Variants in CFAP20 observed in about 807,000 individuals in gnomAD.
The protein encoded by CFAP20 is cilia- and flagella-associated protein 20.
In CFAP20, 14 loss-of-function variants were observed where a neutral mutation model predicts 25.5. The observed-to-expected ratio is 0.55, with a 90% CI of 0.36 to 0.86. The LOEUF is 0.86. CFAP20 is among the 40% of genes least tolerant of loss of function. The pLI is 0.01. For missense variants in CFAP20, 181 were observed against 248.0 expected, an observed-to-expected ratio of 0.73 and a Z score of 1.81; for synonymous variants, 75 against 91.1, an observed-to-expected ratio of 0.82 and a Z score of 1.01.
chr16:58,115,229 T>C, intron 4 of CFAP20, 40 bp downstream of exon 4: 1 of 1,612,754 alleles, frequency 6.2e-7, no homozygotes, highest in Non-Finnish European at 8.5e-7. Flanking sequence ...CAGTGTGCCC[T>C]ATCCCCAACC....
intron 3 of CFAP20, chr16:58,115,668 C>G (rs894752121): frequency 1.6e-6 from 1 of 606,386 alleles, no homozygotes; most frequent in Non-Finnish European, 2.9e-6. Context: ...ACACCAGCTG[C>G]TTATGACATA....
At chr16:58,125,277 G>T (rs968297141) in intron 1 of CFAP20, among the ~76,000 whole-genome samples, 1 of 152,210 alleles carries the variant, frequency 6.6e-6, no homozygotes, top group Non-Finnish European at 1.5e-5. Flanking sequence ...CGCACATGGC[G>T]CTGTCATCTC....
chr16:58,116,693 A>G (rs113679510), intron 2 of CFAP20, 179 bp downstream of exon 2: 24,410 of 561,444 alleles, frequency 0.043, 772 homozygotes, highest in South Asian at 0.13. Context: ...TATTCTGCCC[A>G]TTGTACAGAT....
rs771226850 is a variant in CFAP20 at position 58,116,031 on chromosome 16, A to AC, written c.276+9dup. On this transcript the variant is annotated intron_variant, in intron 3 of 5. Transcript: ENST00000262498. ...GCCAAGAGTGGACACATTCATGTAC[A>AC]CATACTTACCTGCACTTCGAAGGTA... 6.4e-7 allele frequency: 1 copy of AC among 1,573,528 alleles called. No individual in the cohort carries two copies. The highest frequency in any genetic ancestry group is 8.7e-7 in the Non-Finnish European group (1 of 1,143,434).
At chr16:58,117,419 T>TTCTTTC (rs1960471746) in intron 1 of CFAP20, among the ~76,000 whole-genome samples, 1 of 152,164 alleles carries the variant, frequency 6.6e-6, no homozygotes, top group African/African-American at 2.4e-5. Context: ...GTAGATTTCT[T>TTCTTTC]TCTTTCTCTT....
chr16:58,116,276 A>G, intron 2 of CFAP20, 124 bp from the exon 3 acceptor site: 1 of 639,954 alleles, frequency 1.6e-6, no homozygotes, highest in Non-Finnish European at 2.6e-6. Context: ...CAGACACGCC[A>G]CCCAGTGAAT....
rs566869745 is a variant in CFAP20, at chr16:58,114,086, T to C, written c.577-56A>G. 58 of 1,578,564 alleles carry C rather than the reference T, an allele frequency of 3.7e-5. No individual in the cohort carries two copies. The East Asian group carries it at 9.8e-4, about 27-fold the overall frequency. On this transcript the variant is annotated intron_variant, in intron 5 of 5. Coordinates refer to ENST00000262498, the MANE Select transcript of CFAP20 (RefSeq NM_013242.3). ...GTTTAAGTTACTAGAAAATAGATGG[T>C]CAGTGTCACAGGCCCCCTGCCTCTG...
intron 1 of CFAP20, among the ~76,000 whole-genome samples, chr16:58,125,495 G>C (rs1029026949): frequency 6.6e-6 from 1 of 152,106 alleles, no homozygotes; most frequent in Non-Finnish European, 1.5e-5. Context: ...GACCAGCCTG[G>C]GCAACATGGA....
At chr16:58,116,766 A>G (rs2142365063) in intron 2 of CFAP20, 106 bp downstream of exon 2, 1 of 990,590 alleles carries the variant, frequency 1.0e-6, no homozygotes, top group Non-Finnish European at 1.5e-6. Context: ...TGGCAGAGAT[A>G]GACTCACATC....
Position 58,113,780 on chromosome 16 carries a change from G to T in CFAP20, c.*245C>A. On this transcript the variant is annotated 3_prime_UTR_variant, in exon 6 of 6. Transcript: ENST00000262498. ...AGGTATCTCCCCCCACACTGGGGCAGGCGGCGGAATAAGCTCCAGCGTTCA... is the reference window on the plus strand; with the variant it reads ...AGGTATCTCCCCCCACACTGGGGCATGCGGCGGAATAAGCTCCAGCGTTCA... 1 of 513,080 alleles carries T rather than the reference G, an allele frequency of 1.9e-6. No individual in the cohort carries two copies. The highest frequency in any genetic ancestry group is 3.5e-6 in the Non-Finnish European group (1 of 284,374). 31.8% of individuals were successfully genotyped at this position (513,080 alleles called of 1,614,324 possible). A position where few individuals can be genotyped will look rare whatever the true frequency, so the allele number is the denominator to read the frequency against.
chr16:58,115,979 C>A, intron 3 of CFAP20, 62 bp downstream of exon 3: 1 of 1,208,220 alleles, frequency 8.3e-7, no homozygotes, highest in Non-Finnish European at 1.2e-6. Context: ...TTTTTCCCAT[C>A]AGTTCAAAGG....
rs1392212636 is a variant in CFAP20, at chr16:58,115,309, C to T, written c.425G>A (p.Arg142Gln). Reference protein sequence around the residue: ...IQFNLLDFTRRAYGTNYIETL... With the variant: ...IQFNLLDFTRQAYGTNYIETL... The stretch of plus-strand genomic sequence containing the variant: ...CTCGATGTAATTGGTGCCGTATGCT[C>T]GCCGTGTGAAGTCTAGCAAGTTGAA... Residue 142 changes from arginine to glutamine, a missense_variant, in exon 4 of 6, where the codon CGA becomes CAA. Physicochemically the swap from Arg to Gln is conservative, Grantham distance 43. Transcript: ENST00000262498. 1.9e-6 allele frequency: 3 copies of T among 1,614,160 alleles called. No homozygotes were observed. Among genetic ancestry groups the T allele is most frequent in the African/African-American group, 1.3e-5 (1 of 75,038 alleles).
rs1012963859 is a variant in CFAP20 at position 58,129,241 on chromosome 16, T to C, written c.-126A>G. Reference sequence around the variant, plus strand: ...TTCCGAAGAAGGGTGGTTGAGCTCCTGGCCTCCGGATCTGCAGCCACTGAT... The same window carrying C: ...TTCCGAAGAAGGGTGGTTGAGCTCCCGGCCTCCGGATCTGCAGCCACTGAT... On this transcript the variant is annotated 5_prime_UTR_variant, in exon 1 of 6. Coordinates refer to ENST00000262498, the MANE Select transcript of CFAP20 (RefSeq NM_013242.3). The C allele has an allele frequency of 8.1e-6, 8 of 989,908 alleles. No individual in the cohort carries two copies. Among genetic ancestry groups the C allele is most frequent in the Admixed American group, 7.1e-5 (3 of 42,220 alleles). The allele number at this position is 989,908 out of a possible 1,614,324, so 61.3% of individuals were successfully genotyped here. A position where few individuals can be genotyped will look rare whatever the true frequency, so the allele number is the denominator to read the frequency against.
intron 1 of CFAP20, among the ~76,000 whole-genome samples, chr16:58,125,185 C>T (rs1318409895): frequency 2.0e-5 from 3 of 152,102 alleles, no homozygotes; most frequent in African/African-American, 2.4e-5. Flanking sequence ...AGCCCAGGCC[C>T]GCACAGGGTC....
At chr16:58,120,970 T>C (rs957616907) in intron 1 of CFAP20, among the ~76,000 whole-genome samples, 1 of 152,248 alleles carries the variant, frequency 6.6e-6, no homozygotes, top group Non-Finnish European at 1.5e-5. Flanking sequence ...TGTTAGTGAA[T>C]TGTGATTTTT....
chr16:58,117,617 T>C (rs1038926328), intron 1 of CFAP20, among the ~76,000 whole-genome samples: 1 of 152,040 alleles, frequency 6.6e-6, no homozygotes, highest in Non-Finnish European at 1.5e-5. Context: ...GTATCTTTAG[T>C]AGAGACGGGG....
intron 1 of CFAP20, among the ~76,000 whole-genome samples, chr16:58,119,571 A>G (rs2142366616): frequency 6.6e-6 from 1 of 152,338 alleles, no homozygotes; most frequent in South Asian, 2.1e-4. Context: ...ACTGGGCTAG[A>G]CGGGACCCCA....
intron 1 of CFAP20, among the ~76,000 whole-genome samples, chr16:58,128,300 GT>G (rs1960649036): frequency 6.6e-6 from 1 of 152,158 alleles, no homozygotes; most frequent in South Asian, 2.1e-4. Flanking sequence ...TTGGCTCTGA[GT>G]TTATTAATCC....
chr16:58,119,402 A>G (rs1182797066), intron 1 of CFAP20: 2 of 152,292 alleles, frequency 1.3e-5, no homozygotes, highest in Non-Finnish European at 2.9e-5. Flanking sequence ...GAGCTGGCAC[A>G]TATGAATAGG....
Sources: gnomAD v4.1 joint callset for allele counts (sites outside exome capture counted in the v4.1 genomes callset) on GRCh38, gnomAD v4.1.1 for gene constraint, MANE v1.5 for transcripts, NCBI Gene and HGNC (gene_info 2026-07-23, HGNC 2026-07-21) for gene names.